The following NPFFR1 variants were observed in gnomAD, a reference collection of about 807,000 sequenced individuals.
NPFFR1 encodes the protein G-protein coupled receptor 147.
Under a neutral mutation model 12.7 loss-of-function variants are expected in NPFFR1, and 17 were observed. The observed-to-expected ratio is 1.34, with a 90% confidence interval of 0.92 to 2.01. NPFFR1 has a LOEUF of 2.01. Among genes scored for constraint, NPFFR1 ranks in the 30% most tolerant of loss-of-function variants. The pLI is 0.00. For synonymous variants in NPFFR1, 296 were observed against 264.5 expected (o/e 1.12, Z -1.16); for missense variants, 604 against 606.5 (o/e 1.00, Z 0.04).
Position 70,255,465 on chromosome 10 carries a change from G to A in NPFFR1, c.785C>T (p.Ser262Leu), listed in dbSNP as rs945105920. The change falls in exon 4 of 4, where the codon TCG (serine) becomes TTG (leucine). Residue 262 changes from serine (S) to leucine (L), a missense_variant. Transcript: ENST00000277942. The surrounding 1 kb of genome is among the most constrained non-coding windows in gnomAD (Gnocchi z 4.2). ...GTGCACCACGCGCGCTCTGCGCCGC[G>A]ATGCTCGCGGGTCCGCAGCCTCCTC... is the stretch of plus-strand genomic sequence containing the variant. ...GGEEAADPRA[S>L]RRRARVVHML... is the part of the protein sequence containing the mutation. The A allele has an allele frequency of 6.5e-7, 1 of 1,548,330 alleles. No individual in the cohort carries two copies. The highest frequency in any genetic ancestry group is 2.4e-5 in the East Asian group (1 of 40,852).
intron 2 of NPFFR1, 140 bp downstream of exon 2, chr10:70,265,935 GTC>G: frequency 1.4e-6 from 1 of 701,986 alleles, no homozygotes; most frequent in Non-Finnish European, 2.4e-6. Flanking sequence ...CCCCAAGACT[GTC>G]TTGAGAGTTC....
intron 3 of NPFFR1, among the ~76,000 whole-genome samples, chr10:70,257,576 T>C (rs112882186): frequency 0.11 from 16,042 of 152,276 alleles, 1,005 homozygotes; most frequent in Middle Eastern, 0.17. Context: ...TCTCCCCATA[T>C]GATAGTCTGA....
intron 3 of NPFFR1, among the ~76,000 whole-genome samples, chr10:70,257,523 C>T (rs563677844): frequency 6.6e-5 from 10 of 152,346 alleles, no homozygotes; most frequent in African/African-American, 1.9e-4. Context: ...TGCGGAAAGC[C>T]GCGGGGACCT....
Position 70,255,568 on chromosome 10 carries a change from G to T in NPFFR1, c.682C>A (p.Pro228Thr). ...TVLFSHIYLA[P>T]LALIVVMYAR... ...TACATGACCACGATGAGCGCCAGCG[G>T]CGCCAGGTAGATGTGCGAGAAGAGC... Residue 228 changes from proline to threonine, a missense_variant, in exon 4 of 4, where the codon CCG (proline) becomes ACG (threonine). Pro to Thr is a conservative substitution (Grantham distance 38, BLOSUM62 -1). Coordinates refer to ENST00000277942, the MANE Select transcript of NPFFR1 (RefSeq NM_022146.5). The surrounding 1 kb of genome is among the most constrained non-coding windows in gnomAD (Gnocchi z 4.2). 6.4e-7 allele frequency: 1 copy of T among 1,551,280 alleles called. No individual in the cohort carries two copies. Among genetic ancestry groups the T allele is most frequent in the Non-Finnish European group, 8.7e-7 (1 of 1,147,216 alleles).
chr10:70,279,724 G>C (rs1049780902), intron 1 of NPFFR1, among the ~76,000 whole-genome samples: 1 of 152,216 alleles, frequency 6.6e-6, no homozygotes, highest in African/African-American at 2.4e-5. Context: ...GCCTCCCAAA[G>C]TGCTCTGATT....
At position 70,255,901 on chromosome 10, in the gene NPFFR1, C is replaced by G; in HGVS notation, c.423-74G>C. 6.8e-7 allele frequency: 1 copy of G among 1,466,980 alleles called. No individual in the cohort carries two copies. Among genetic ancestry groups the G allele is most frequent in the Non-Finnish European group, 9.2e-7 (1 of 1,088,354 alleles). The allele number at this position is 1,466,980 out of a possible 1,614,324, so 90.9% of individuals were successfully genotyped here. On this transcript the variant is annotated intron_variant, in intron 3 of 3. Coordinates refer to ENST00000277942, the MANE Select transcript of NPFFR1 (RefSeq NM_022146.5). The surrounding 1 kb of genome is among the most constrained non-coding windows in gnomAD (Gnocchi z 4.2). Reference sequence around the variant, plus strand: ...CTGCGAGGGGACGGTGGGTGGGATGCGGGCACCTGACCTTCATCATCGCAT... The same window carrying G: ...CTGCGAGGGGACGGTGGGTGGGATGGGGGCACCTGACCTTCATCATCGCAT...
rs1354816163 is a variant in NPFFR1 at position 70,255,287 on chromosome 10, G to A, written c.963C>T (p.Asn321=). ...CGTAGATGATGGGGTTGGCGCTGCT[G>A]TTGAAGAAGGCCAGCCAGTGCGCGA... ...FPFAHWLAFF[N]SSANPIIYGY... The change falls in exon 4 of 4, where the codon AAC becomes AAT. Residue 321 remains asparagine, a synonymous_variant. Coordinates refer to ENST00000277942, the MANE Select transcript of NPFFR1 (RefSeq NM_022146.5). The surrounding 1 kb of genome is among the most constrained non-coding windows in gnomAD (Gnocchi z 4.2). 3 of 1,581,262 alleles carry A rather than the reference G, an allele frequency of 1.9e-6. No homozygotes were observed. The highest frequency in any genetic ancestry group is 1.7e-6 in the Non-Finnish European group (2 of 1,168,308).
At chr10:70,272,251 G>GAAAGAAA (rs11447906) in intron 1 of NPFFR1, among the ~76,000 whole-genome samples, 1 of 45,502 alleles carries the variant, frequency 2.2e-5, no homozygotes, top group Non-Finnish European at 4.9e-5. Flanking sequence ...AAAGAAGAAA[G>GAAAGAAA]AAGAAAGAAA....
rs1251133559 is a variant in NPFFR1 at position 70,273,320 on chromosome 10, C to T, written c.8-6929G>A. 2.6e-5 allele frequency among the ~76,000 whole-genome samples: 4 copies of T among 152,186 alleles called. No individual in the cohort carries two copies. In the East Asian group the frequency reaches 5.8e-4, roughly 22 times the overall value. ...CTGAACCATACAGCCCCTGCCCTCC[C>T]GCCACTCACAGTCAAGTTTAGTGTG... On this transcript the variant is annotated intron_variant, in intron 1 of 3. Transcript: ENST00000277942.
intron 1 of NPFFR1, among the ~76,000 whole-genome samples, chr10:70,281,418 C>T (rs1231760737): frequency 1.3e-5 from 2 of 152,148 alleles, no homozygotes; most frequent in Non-Finnish European, 2.9e-5. Flanking sequence ...CATTTCTTGC[C>T]TTTTCTCCCT....
chr10:70,262,994 C>T (rs1473624940), intron 2 of NPFFR1, among the ~76,000 whole-genome samples: 1 of 152,026 alleles, frequency 6.6e-6, no homozygotes, highest in Non-Finnish European at 1.5e-5. Context: ...TCTGACTCTA[C>T]AAAAACAAAA....
At position 70,250,818 on chromosome 10, in the gene NPFFR1, T is replaced by C. The variant is rs894983913; in HGVS notation, c.*4139A>G. ...AACTATATACAACTGTTAAAACTCG[T>C]CAAGCAGTACACTTAAGACGGGTGA... On this transcript the variant is annotated 3_prime_UTR_variant, in exon 4 of 4. Coordinates refer to ENST00000277942, the MANE Select transcript of NPFFR1 (RefSeq NM_022146.5). 9 of 152,170 alleles carry C rather than the reference T, an allele frequency of 5.9e-5. No individual in the cohort carries two copies. Among genetic ancestry groups the C allele is most frequent in the Non-Finnish European group, 1.3e-4 (9 of 68,034 alleles). 9.4% of individuals were successfully genotyped at this position (152,170 alleles called of 1,614,324 possible). A position where few individuals can be genotyped will look rare whatever the true frequency, so the allele number is the denominator to read the frequency against.
intron 1 of NPFFR1, among the ~76,000 whole-genome samples, chr10:70,279,606 T>C (rs1047056361): frequency 1.3e-5 from 2 of 152,026 alleles, no homozygotes; most frequent in African/African-American, 4.8e-5. Flanking sequence ...ATTACAAGTG[T>C]GTGCCACCAC....
chr10:70,255,763 C>T lies in NPFFR1; in HGVS notation c.487G>A (p.Ala163Thr), dbSNP rs1274742119. Residue 163 changes from alanine (A) to threonine (T), a missense_variant, in exon 4 of 4, where the codon GCC (alanine) becomes ACC (threonine). Coordinates refer to ENST00000277942, the MANE Select transcript of NPFFR1 (RefSeq NM_022146.5). This position sits in a 1 kb window ranked among gnomAD's most constrained non-coding sequence, Gnocchi z 4.2. ...LTLRKALVTI[A>T]VIWALALLIM... ...AGCAGCGCCAGGGCCCAGATGACGG[C>T]GATGGTGACGAGCGCCTTCCGCAGG... is the stretch of plus-strand genomic sequence containing the variant. 1 of 1,611,602 alleles carries T rather than the reference C, an allele frequency of 6.2e-7. No individual in the cohort carries two copies. The highest frequency in any genetic ancestry group is 1.1e-5 in the South Asian group (1 of 90,510).
chr10:70,270,438 G>C (rs1840734363), intron 1 of NPFFR1, among the ~76,000 whole-genome samples: 1 of 152,192 alleles, frequency 6.6e-6, no homozygotes, highest in African/African-American at 2.4e-5. Context: ...GTATGGATGG[G>C]CAGAGGAAAC....
At chr10:70,262,833 C>T (rs1036641681) in intron 2 of NPFFR1, among the ~76,000 whole-genome samples, 2 of 151,998 alleles carry the variant, frequency 1.3e-5, no homozygotes, top group Non-Finnish European at 2.9e-5. Flanking sequence ...GAAATGACAC[C>T]CCAATACCCA....
chr10:70,254,953 C>A lies in NPFFR1; in HGVS notation c.*4G>T. 1 of 1,424,032 alleles carries A rather than the reference C, an allele frequency of 7.0e-7. No homozygotes were observed. 88.2% of individuals were successfully genotyped at this position (1,424,032 alleles called of 1,614,324 possible). ...AGGCAGCGTCCCGCCCTCCCTGGAC[C>A]CCCTCAGATATCCCAGGCTGGAATG... is the stretch of plus-strand genomic sequence containing the variant. On this transcript the variant is annotated 3_prime_UTR_variant, in exon 4 of 4. Coordinates refer to ENST00000277942, the MANE Select transcript of NPFFR1 (RefSeq NM_022146.5).
chr10:70,277,913 G>A (rs368928144), intron 1 of NPFFR1: 18 of 514,466 alleles, frequency 3.5e-5, no homozygotes, highest in Non-Finnish European at 6.2e-5. Context: ...GCAGACTGCA[G>A]TGTCTGTCTC....
intron 1 of NPFFR1, 53 bp from the exon 2 acceptor site, chr10:70,266,444 G>A (rs541788992): frequency 1.8e-5 from 25 of 1,417,434 alleles, no homozygotes; most frequent in South Asian, 6.7e-5. Flanking sequence ...AGAGATTACC[G>A]ATTTCTCACC....
Sources: allele counts gnomAD v4.1 joint callset (sites outside exome capture counted in the v4.1 genomes callset), GRCh38; gene constraint gnomAD v4.1.1; non-coding constraint Gnocchi (gnomAD v3.1); transcripts MANE v1.5; gene names NCBI Gene and HGNC (gene_info 2026-07-23, HGNC 2026-07-21).